Variants in PEPD observed in about 807,000 individuals in gnomAD.
PEPD encodes the protein xaa-Pro dipeptidase.
In PEPD, 53 loss-of-function variants were observed where a neutral mutation model predicts 60.7. That is an observed-to-expected ratio of 0.87 (90% CI 0.70 to 1.10). The LOEUF (loss-of-function observed/expected upper bound fraction) is 1.10, where lower values mean the gene tolerates loss of function less well. PEPD is among the 50% of genes least tolerant of loss of function. The probability of loss-of-function intolerance (pLI) is 0.00; values close to 1 mark genes in which losing one functional copy is unlikely to be tolerated. For missense variants in PEPD, 711 were observed against 711.9 expected, an observed-to-expected ratio of 1.00 and a Z score of 0.01; for synonymous variants, 267 against 284.1, an observed-to-expected ratio of 0.94 and a Z score of 0.60.
At chr19:33,482,423 G>A (rs1970326756) in intron 6 of PEPD, among the ~76,000 whole-genome samples, 1 of 152,118 alleles carries the variant, frequency 6.6e-6, no homozygotes, top group Non-Finnish European at 1.5e-5. Flanking sequence ...AATGAACTAG[G>A]GAGGGAAGGG....
At chr19:33,436,917 C>T (rs1969388849) in intron 9 of PEPD, among the ~76,000 whole-genome samples, 1 of 152,224 alleles carries the variant, frequency 6.6e-6, no homozygotes, top group Non-Finnish European at 1.5e-5. Flanking sequence ...GGAGGGAGAT[C>T]TTGCTTAACT....
At chr19:33,506,398 C>A (rs548220950) in intron 3 of PEPD, among the ~76,000 whole-genome samples, 15 of 147,390 alleles carry the variant, frequency 1.0e-4, no homozygotes, top group African/African-American at 3.5e-4. Context: ...ACACCACTCA[C>A]ACACACACCC....
At chr19:33,444,526 C>CCCT (rs935644741) in intron 9 of PEPD, among the ~76,000 whole-genome samples, 1 of 149,590 alleles carries the variant, frequency 6.7e-6, no homozygotes, top group Non-Finnish European at 1.5e-5. Flanking sequence ...GACTCAGGGC[C>CCCT]CCTCCTCCTC....
chr19:33,413,557 C>G lies in PEPD; in HGVS notation c.740+18G>C. On this transcript the variant is annotated intron_variant, in intron 10 of 14. Coordinates refer to ENST00000244137, the MANE Select transcript of PEPD (RefSeq NM_000285.4). ...CTCCCACTGGTCACCCCCAGGGGAG[C>G]CAGGGTGCCCCGCTTACCTGCCGCA... is the stretch of plus-strand genomic sequence containing the variant. 1 of 1,503,838 alleles carries G rather than the reference C, an allele frequency of 6.6e-7. No individual in the cohort carries two copies. The highest frequency in any genetic ancestry group is 9.1e-7 in the Non-Finnish European group (1 of 1,101,906). 93.2% of individuals were successfully genotyped at this position (1,503,838 alleles called of 1,614,324 possible). A position where few individuals can be genotyped will look rare whatever the true frequency, so the allele number is the denominator to read the frequency against.
chr19:33,407,426 A>G (rs1269224890), intron 11 of PEPD, among the ~76,000 whole-genome samples: 1 of 152,118 alleles, frequency 6.6e-6, no homozygotes, highest in Non-Finnish European at 1.5e-5. Flanking sequence ...GGGGCAGCAC[A>G]TGGGGGCTCA....
At position 33,387,198 on chromosome 19, in the gene PEPD, G is replaced by T; in HGVS notation, c.*146C>A. On this transcript the variant is annotated 3_prime_UTR_variant, in exon 15 of 15. Coordinates refer to ENST00000244137, the MANE Select transcript of PEPD (RefSeq NM_000285.4). ...AAAAGTGTTTCCTCCCCGGGAAACA[G>T]CACTGTTTGGTCTGATCAAATGCCG... 1.1e-6 allele frequency: 1 copy of T among 897,142 alleles called. No homozygotes were observed. The highest frequency in any genetic ancestry group is 1.8e-6 in the Non-Finnish European group (1 of 571,108). 55.6% of individuals were successfully genotyped at this position (897,142 alleles called of 1,614,324 possible). A position where few individuals can be genotyped will look rare whatever the true frequency, so the allele number is the denominator to read the frequency against.
chr19:33,499,518 A>G (rs1400626614), intron 4 of PEPD, among the ~76,000 whole-genome samples: 1 of 152,198 alleles, frequency 6.6e-6, no homozygotes, highest in African/African-American at 2.4e-5. Flanking sequence ...GGGCAGGGAA[A>G]GAGTGCAAGA....
chr19:33,444,481 G>T (rs1386297160), intron 9 of PEPD, among the ~76,000 whole-genome samples: 1 of 151,426 alleles, frequency 6.6e-6, no homozygotes, highest in Non-Finnish European at 1.5e-5. Context: ...GCCTGACTTA[G>T]TCTAGACACT....
chr19:33,504,231 G>A (rs1437625638), intron 3 of PEPD, among the ~76,000 whole-genome samples: 1 of 152,356 alleles, frequency 6.6e-6, no homozygotes, highest in East Asian at 1.9e-4. Flanking sequence ...ACCAGCCACC[G>A]AAGGCTTGGC....
intron 9 of PEPD, among the ~76,000 whole-genome samples, chr19:33,448,819 C>T (rs1969642082): frequency 6.6e-6 from 1 of 151,994 alleles, no homozygotes; most frequent in African/African-American, 2.4e-5. Flanking sequence ...CAGGAAAAGC[C>T]AAAAAAATCT....
intron 9 of PEPD, among the ~76,000 whole-genome samples, chr19:33,416,626 T>C (rs1968897194): frequency 6.6e-6 from 1 of 152,216 alleles, no homozygotes; most frequent in Admixed American, 6.5e-5. Context: ...AGGGGCTTCC[T>C]GATTGGCTGA....
At chr19:33,394,367 G>A (rs1217174586) in intron 12 of PEPD, among the ~76,000 whole-genome samples, 3 of 152,264 alleles carry the variant, frequency 2.0e-5, no homozygotes, top group South Asian at 2.1e-4. Flanking sequence ...CCCTTCCCGG[G>A]GGCAGGCCCG....
chr19:33,485,490 C>CAAA (rs1568495256), intron 6 of PEPD, among the ~76,000 whole-genome samples: 9 of 67,594 alleles, frequency 1.3e-4, no homozygotes, highest in African/African-American at 6.5e-4. Flanking sequence ...AAGACTCTGT[C>CAAA]TAAAAAAAAA....
At chr19:33,447,464 G>C (rs1415156237) in intron 9 of PEPD, among the ~76,000 whole-genome samples, 1 of 152,216 alleles carries the variant, frequency 6.6e-6, no homozygotes, top group Non-Finnish European at 1.5e-5. Context: ...AGGTGCAGGA[G>C]CCCGGGATGC....
At position 33,430,244 on chromosome 19, in the gene PEPD, T is replaced by C. The variant is rs966613277; in HGVS notation, c.672-16601A>G. ...GTGAAGGGAGAACAACTTTTCTAGA[T>C]GGCACTGGGCTTTGGGCATCAACAT... On this transcript the variant is annotated intron_variant, in intron 9 of 14. Transcript: ENST00000244137. 2.0e-5 allele frequency among the ~76,000 whole-genome samples: 3 copies of C among 152,208 alleles called. No individual in the cohort carries two copies. In the South Asian group the frequency reaches 6.2e-4, roughly 32 times the overall value.
chr19:33,431,368 G>A (rs978209441), intron 9 of PEPD, among the ~76,000 whole-genome samples: 41 of 152,306 alleles, frequency 2.7e-4, no homozygotes, highest in African/African-American at 9.4e-4. Flanking sequence ...CCAGGTCCCC[G>A]CCGGAGGCCA....
At chr19:33,499,875 C>A (rs1428963798) in intron 4 of PEPD, among the ~76,000 whole-genome samples, 1 of 152,214 alleles carries the variant, frequency 6.6e-6, no homozygotes, top group Non-Finnish European at 1.5e-5. Flanking sequence ...ACATGCTGGG[C>A]AGAGACAACT....
At chr19:33,470,152 G>A (rs939628676) in intron 7 of PEPD, among the ~76,000 whole-genome samples, 1 of 151,024 alleles carries the variant, frequency 6.6e-6, no homozygotes, top group South Asian at 2.1e-4. Flanking sequence ...CCCCCTCCAC[G>A]ACCTCCCTCA....
At chr19:33,401,126 T>C (rs920467456) in intron 12 of PEPD, among the ~76,000 whole-genome samples, 32 of 152,184 alleles carry the variant, frequency 2.1e-4, no homozygotes, top group African/African-American at 7.2e-4. Context: ...CGCTGGCCGC[T>C]GGGAGAGAGA....
Sources: gnomAD v4.1 joint callset for allele counts (sites outside exome capture counted in the v4.1 genomes callset) on GRCh38, gnomAD v4.1.1 for gene constraint, MANE v1.5 for transcripts, NCBI Gene and HGNC (gene_info 2026-07-23, HGNC 2026-07-21) for gene names.